The following ZNF880 variants were observed in gnomAD, a reference collection of about 807,000 sequenced individuals.
ZNF880 encodes the protein zinc finger protein LOC400713.
Under a neutral mutation model 11.8 loss-of-function variants are expected in ZNF880, and 12 were observed. The observed-to-expected ratio is 1.02, with a 90% CI of 0.65 to 1.65. The LOEUF (loss-of-function observed/expected upper bound fraction) is 1.65. Among genes scored for constraint, ZNF880 ranks in the 40% most tolerant of loss-of-function variants. The pLI is 0.00. For synonymous variants in ZNF880, 210 were observed against 232.4 expected, an observed-to-expected ratio of 0.90 and a Z score of 0.88; for missense variants, 601 against 673.9, an observed-to-expected ratio of 0.89 and a Z score of 1.20.
chr19:52,377,529 G>A (rs1318992804), intron 3 of ZNF880, among the ~76,000 whole-genome samples: 1 of 152,116 alleles, frequency 6.6e-6, no homozygotes, highest in Non-Finnish European at 1.5e-5. Flanking sequence ...TCCCAAACAC[G>A]TCCCCTACCT....
At chr19:52,396,121 A>ATTTTTTTTTTTTTTTT in the ZNF880 span, among the ~76,000 whole-genome samples, 1 of 120,646 alleles carries the variant, frequency 8.3e-6, no homozygotes, top group Non-Finnish European at 1.7e-5. Context: ...TGCCTGGCTA[A>ATTTTTTTTTTTTTTTT]TTTTTTTTTT....
At chr19:52,370,150 C>G (rs1568659219) in intron 1 of ZNF880, 173 bp downstream of exon 1, 1 of 806,268 alleles carries the variant, frequency 1.2e-6, no homozygotes, top group East Asian at 2.7e-5. Context: ...GTGTTAAAAT[C>G]GCTCGGAGGC....
downstream of ZNF880, chr19:52,389,455 A>G (rs1986986067): frequency 6.6e-6 from 1 of 152,214 alleles, no homozygotes; most frequent in Admixed American, 6.5e-5. Flanking sequence ...CAAAGCTCCA[A>G]AATGATCTCT....
Position 52,369,991 on chromosome 19 carries a change from TG to T in ZNF880, c.12+15del. 1.3e-6 allele frequency: 2 copies of T among 1,551,576 alleles called. No individual in the cohort carries two copies. The highest frequency in any genetic ancestry group is 1.7e-6 in the Non-Finnish European group (2 of 1,146,986). On this transcript the variant is annotated intron_variant, in intron 1 of 3. Transcript: ENST00000422689. ...ATGCTGCGGCGTGTGAGTTTCCCTTTGTTTAGATTAAATCTGGGATGCTGAG... is the reference window on the plus strand; with the variant it reads ...ATGCTGCGGCGTGTGAGTTTCCCTTTTTTAGATTAAATCTGGGATGCTGAG...
intron 3 of ZNF880, among the ~76,000 whole-genome samples, chr19:52,379,084 AT>A (rs1338322309): frequency 2.7e-5 from 4 of 145,968 alleles, no homozygotes; most frequent in African/African-American, 7.5e-5. Context: ...AGAAAAAAAA[AT>A]AAGAAGAAAA....
Position 52,383,971 on chromosome 19 carries a change from T to C in ZNF880, c.391T>C (p.Cys131Arg), listed in dbSNP as rs1187348798. ...LFQAERNISG[C>R]KHVEKPINNS... The stretch of plus-strand genomic sequence containing the variant: ...TCAAGCTGAAAGGAATATTTCTGGA[T>C]GTAAACATGTCGAAAAACCTATCAA... Residue 131 changes from cysteine to arginine, a missense_variant, in exon 4 of 4, where the codon TGT becomes CGT. Cys to Arg is a radical substitution (Grantham distance 180). Coordinates refer to ENST00000422689, the MANE Select transcript of ZNF880 (RefSeq NM_001145434.2). 4 of 1,551,294 alleles carry C rather than the reference T, an allele frequency of 2.6e-6. No homozygotes were observed. In the East Asian group the frequency reaches 7.3e-5, roughly 28 times the overall value.
chr19:52,372,909 C>CAAAA (rs201869014), intron 1 of ZNF880, among the ~76,000 whole-genome samples: 83 of 69,670 alleles, frequency 1.2e-3, no homozygotes, highest in East Asian at 3.2e-3. Flanking sequence ...GACTCCGTCT[C>CAAAA]AAAAAAAAAA....
the ZNF880 span, among the ~76,000 whole-genome samples, chr19:52,393,974 C>T: frequency 3.4e-3 from 514 of 151,582 alleles, 3 homozygotes; most frequent in African/African-American, 0.012. Flanking sequence ...GTAGCTGGGA[C>T]TACAGGCACC....
At chr19:52,378,902 A>C (rs1986629766) in intron 3 of ZNF880, among the ~76,000 whole-genome samples, 1 of 151,600 alleles carries the variant, frequency 6.6e-6, no homozygotes, top group South Asian at 2.1e-4. Context: ...ACATGGCAAG[A>C]ACTTGTCTCT....
chr19:52,385,972 A>G (rs1388361468), downstream of ZNF880, among the ~76,000 whole-genome samples: 2 of 141,740 alleles, frequency 1.4e-5, no homozygotes, highest in East Asian at 2.0e-4. Flanking sequence ...TTAGGAGATC[A>G]AGACCATCCT....
At position 52,374,521 on chromosome 19, in the gene ZNF880, A is replaced by G. The variant is rs79063560; in HGVS notation, c.268+94A>G. ...TCACCCAGGCTGTCGTAGAGTGGCA[A>G]TCATCAGTGGCAATCGTGGCTTAAC... On this transcript the variant is annotated intron_variant, in intron 3 of 3. Coordinates refer to ENST00000422689, the MANE Select transcript of ZNF880 (RefSeq NM_001145434.2). 7,305 of 1,454,872 alleles carry G rather than the reference A, an allele frequency of 5.0e-3. 315 individuals are homozygous for G. The African/African-American group carries it at 0.09, about 18-fold the overall frequency. The allele number at this position is 1,454,872 out of a possible 1,614,324, so 90.1% of individuals were successfully genotyped here. A position where few individuals can be genotyped will look rare whatever the true frequency, so the allele number is the denominator to read the frequency against.
chr19:52,383,203 CTCTGT>C (rs2122403223), intron 3 of ZNF880, among the ~76,000 whole-genome samples: 2 of 152,178 alleles, frequency 1.3e-5, no homozygotes, highest in East Asian at 3.9e-4. Flanking sequence ...AGTTATCTGT[CTCTGT>C]TATCTTTTTT....
chr19:52,395,619 C>A, the ZNF880 span: 1 of 152,190 alleles, frequency 6.6e-6, no homozygotes, highest in East Asian at 1.9e-4. Context: ...GCATTCTGCT[C>A]CCCAAGGCTC....
chr19:52,368,973 C>CAAAAA (rs3029482), upstream of ZNF880, among the ~76,000 whole-genome samples: 1 of 71,854 alleles, frequency 1.4e-5, no homozygotes, highest in African/African-American at 5.6e-5. Context: ...GAGACCATCT[C>CAAAAA]AAAAAAAAAA....
chr19:52,385,125 T>C lies in ZNF880; in HGVS notation c.1545T>C (p.Thr515=). ...TTGCACGACATAGGCAAATTCATAC[T>C]GGAGAGAAGTCTTACAAATGCAATG... ...SHLARHRQIH[T]GEKSYKCNEC... Residue 515 remains threonine (T), a synonymous_variant, in exon 4 of 4, where the codon ACT becomes ACC. Coordinates refer to ENST00000422689, the MANE Select transcript of ZNF880 (RefSeq NM_001145434.2). 6.4e-7 allele frequency: 1 copy of C among 1,557,376 alleles called. No homozygotes were observed. Among genetic ancestry groups the C allele is most frequent in the Non-Finnish European group, 8.7e-7 (1 of 1,150,472 alleles).
At chr19:52,391,266 C>T in the ZNF880 span, 1 of 137,010 alleles carries the variant, frequency 7.3e-6, no homozygotes, top group African/African-American at 2.8e-5. Context: ...CTGGGGATGC[C>T]AGAGAGGGGA....
upstream of ZNF880, chr19:52,369,823 C>T (rs1986302098): frequency 2.0e-6 from 2 of 1,020,006 alleles, no homozygotes; most frequent in Admixed American, 4.2e-5. Flanking sequence ...GCAGGTCTAG[C>T]CTCCAAAACG....
At chr19:52,379,356 G>T in intron 3 of ZNF880, 1 of 414,358 alleles carries the variant, frequency 2.4e-6, no homozygotes, top group South Asian at 1.8e-5. Context: ...ATTTTTGTCA[G>T]TTACGTTTAT....
chr19:52,379,817 G>A (rs1986658373), intron 3 of ZNF880: 1 of 154,564 alleles, frequency 6.5e-6, no homozygotes, highest in Admixed American at 6.5e-5. Context: ...TAGTTCTTTT[G>A]TATATATACC....
Sources: allele counts gnomAD v4.1 joint callset (sites outside exome capture counted in the v4.1 genomes callset), GRCh38; gene constraint gnomAD v4.1.1; transcripts MANE v1.5; gene names NCBI Gene and HGNC (gene_info 2026-07-23, HGNC 2026-07-21).